GADL1: variants seen among roughly 807,000 people sequenced by gnomAD.
GADL1 encodes the protein GAD like acidic amino acid decarboxylase 1.
Under a neutral mutation model 69.5 loss-of-function variants are expected in GADL1, and 71 were observed. The ratio of observed to expected loss-of-function variants is 1.02; its 90% CI spans 0.84 to 1.25. GADL1 has a LOEUF of 1.25. Ranked by LOEUF, GADL1 falls within the 50% of genes most tolerant of loss-of-function variation. GADL1 has a pLI of 0.00. For synonymous variants in GADL1, 254 were observed against 214.4 expected (o/e 1.18, Z -1.62); for missense variants, 737 against 631.8 (o/e 1.17, Z -1.79).
chr3:30,806,242 A>G (rs1368891774), intron 11 of GADL1, among the ~76,000 whole-genome samples: 2 of 152,210 alleles, frequency 1.3e-5, no homozygotes, highest in African/African-American at 4.8e-5. Flanking sequence ...CTTAGAAAAT[A>G]GGAATATTAA....
chr3:30,755,467 A>G (rs1283904647), intron 14 of GADL1, among the ~76,000 whole-genome samples: 1 of 152,246 alleles, frequency 6.6e-6, no homozygotes, highest in Non-Finnish European at 1.5e-5. Flanking sequence ...ACATCTAAAA[A>G]TATTACAGTA....
intron 11 of GADL1, among the ~76,000 whole-genome samples, chr3:30,832,067 A>G (rs949255094): frequency 6.6e-6 from 1 of 151,902 alleles, no homozygotes; most frequent in Admixed American, 6.6e-5. Flanking sequence ...AATTAATGAT[A>G]TGGAAGAGAG....
chr3:30,894,642 G>A lies in GADL1; in HGVS notation c.-28C>T, dbSNP rs769393734. 14 of 1,548,182 alleles carry A rather than the reference G, an allele frequency of 9.0e-6. No homozygotes were observed. The Admixed American group carries it at 2.4e-4, about 26-fold the overall frequency. On this transcript the variant is annotated 5_prime_UTR_variant, in exon 1 of 15. Transcript: ENST00000282538. ...CCGCTCCCCCACTCCAGGCTGCCCCGGGCGCGGCTCCCGCAGTCTGGGCGG... is the reference window on the plus strand; with the variant it reads ...CCGCTCCCCCACTCCAGGCTGCCCCAGGCGCGGCTCCCGCAGTCTGGGCGG...
intron 14 of GADL1, among the ~76,000 whole-genome samples, chr3:30,744,168 T>C (rs944887388): frequency 1.3e-5 from 2 of 152,192 alleles, no homozygotes; most frequent in African/African-American, 4.8e-5. Flanking sequence ...TAGATCTAGG[T>C]GAGTTCTACT....
chr3:30,797,188 T>C (rs1454483455), intron 12 of GADL1, among the ~76,000 whole-genome samples: 2 of 152,256 alleles, frequency 1.3e-5, no homozygotes, highest in Middle Eastern at 3.4e-3. Context: ...TCAAGGAATA[T>C]GAAAGACGTG....
intron 14 of GADL1, among the ~76,000 whole-genome samples, chr3:30,732,986 G>A (rs1207567789): frequency 6.6e-6 from 1 of 152,094 alleles, no homozygotes; most frequent in Admixed American, 6.5e-5. Flanking sequence ...GTTGTGGTGA[G>A]CCAAGATCAC....
intron 4 of GADL1, among the ~76,000 whole-genome samples, chr3:30,851,356 T>C (rs553425111): frequency 1.3e-5 from 2 of 152,244 alleles, no homozygotes; most frequent in African/African-American, 4.8e-5. Context: ...CTGCCATGAG[T>C]ATGCTAACAG....
At chr3:30,809,357 C>T (rs1575215464) in intron 11 of GADL1, among the ~76,000 whole-genome samples, 1 of 152,238 alleles carries the variant, frequency 6.6e-6, no homozygotes, top group Admixed American at 6.5e-5. Flanking sequence ...TAAAGGGTCA[C>T]AATTATTTTT....
chr3:30,747,842 G>A (rs1260009275), intron 14 of GADL1, among the ~76,000 whole-genome samples: 1 of 152,058 alleles, frequency 6.6e-6, no homozygotes, highest in Non-Finnish European at 1.5e-5. Context: ...TGGTTTAACT[G>A]ACTGCCTTTG....
intron 1 of GADL1, among the ~76,000 whole-genome samples, chr3:30,871,333 AATG>A (rs78998661): frequency 0.18 from 27,308 of 151,322 alleles, 2,994 homozygotes; most frequent in East Asian, 0.39. Context: ...GGAAGAGAGA[AATG>A]ATGGCAATAA....
intron 2 of GADL1, among the ~76,000 whole-genome samples, chr3:30,859,169 A>C (rs1698277399): frequency 6.6e-6 from 1 of 151,852 alleles, no homozygotes; most frequent in African/African-American, 2.4e-5. Context: ...ATCTCTAAAA[A>C]TTTTGGCTGT....
chr3:30,840,115 GTTA>G (rs1697942790), intron 8 of GADL1, among the ~76,000 whole-genome samples: 1 of 152,044 alleles, frequency 6.6e-6, no homozygotes, highest in Admixed American at 6.6e-5. Context: ...GCCTCTAAAA[GTTA>G]TTTTTTTCTC....
rs186167181 is a variant in GADL1, at chr3:30,791,364, T to G, written c.1251-4958A>C. Among the ~76,000 whole-genome samples the G allele has an allele frequency of 3.3e-5, 5 of 152,272 alleles. No individual in the cohort carries two copies. The East Asian group carries it at 9.7e-4, about 29-fold the overall frequency. On this transcript the variant is annotated intron_variant, in intron 12 of 14. Transcript: ENST00000282538. Reference sequence around the variant, plus strand: ...TTTCTCCAGAAATCTTGGGAATAACTTTAGAAGATTCTAATTGTGCAGCTA... The same window carrying G: ...TTTCTCCAGAAATCTTGGGAATAACGTTAGAAGATTCTAATTGTGCAGCTA...
intron 11 of GADL1, among the ~76,000 whole-genome samples, chr3:30,825,991 C>T (rs970632657): frequency 6.6e-6 from 1 of 151,858 alleles, no homozygotes; most frequent in African/African-American, 2.4e-5. Context: ...AAGGCAGATA[C>T]TTGGAATCCA....
chr3:30,778,547 G>A (rs1696590526), intron 13 of GADL1, among the ~76,000 whole-genome samples: 1 of 152,166 alleles, frequency 6.6e-6, no homozygotes, highest in African/African-American at 2.4e-5. Flanking sequence ...ACCCAGCTCT[G>A]ATCGTCAGTT....
chr3:30,888,515 G>C lies in GADL1; in HGVS notation c.37+6063C>G, dbSNP rs569600774. ...GTTCCAAAATCCCTGAGTGTCAGCA[G>C]CAGATTTAGTAGGGACAGATTCTGA... is the stretch of plus-strand genomic sequence containing the variant. On this transcript the variant is annotated intron_variant, in intron 1 of 14. Coordinates refer to ENST00000282538, the MANE Select transcript of GADL1 (RefSeq NM_207359.3). Among the ~76,000 whole-genome samples the C allele has an allele frequency of 2.6e-5, 4 of 152,274 alleles. No individual in the cohort carries two copies. The East Asian group carries it at 7.7e-4, about 29-fold the overall frequency.
At chr3:30,823,147 G>T (rs1478524261) in intron 11 of GADL1, among the ~76,000 whole-genome samples, 1 of 151,934 alleles carries the variant, frequency 6.6e-6, no homozygotes, top group Non-Finnish European at 1.5e-5. Context: ...TAAACTACTG[G>T]GAGGTACAAT....
intron 11 of GADL1, among the ~76,000 whole-genome samples, chr3:30,830,697 T>G (rs1215742952): frequency 6.6e-6 from 1 of 152,040 alleles, no homozygotes; most frequent in Non-Finnish European, 1.5e-5. Context: ...ATCTATGTGT[T>G]AACAATTCTG....
intron 11 of GADL1, among the ~76,000 whole-genome samples, chr3:30,804,326 AG>A (rs10717571): frequency 0.52 from 78,989 of 151,932 alleles, 23,135 homozygotes; most frequent in African/African-American, 0.79. Context: ...GAGCATGGAG[AG>A]GAGGCTCTGT....
Sources: allele counts gnomAD v4.1 joint callset (sites outside exome capture counted in the v4.1 genomes callset), GRCh38; gene constraint gnomAD v4.1.1; transcripts MANE v1.5; gene names NCBI Gene and HGNC (gene_info 2026-07-23, HGNC 2026-07-21).